Variants in PSD3 observed in about 807,000 individuals in gnomAD.
PSD3 encodes the protein pleckstrin and Sec7 domain containing 3.
A neutral mutation model predicts 105.5 loss-of-function variants in PSD3; 49 were observed. The ratio of observed to expected loss-of-function variants is 0.46; its 90% CI spans 0.37 to 0.59. The LOEUF (loss-of-function observed/expected upper bound fraction) is 0.59. Ranked by LOEUF, PSD3 falls within the 20% of genes least tolerant of loss-of-function variation. The pLI is 0.00. For synonymous variants in PSD3, 557 were observed against 457.8 expected, an observed-to-expected ratio of 1.22 and a Z score of -2.77; for missense variants, 1,561 against 1,263.8, an observed-to-expected ratio of 1.24 and a Z score of -3.57.
chr8:18,900,309 A>G (rs146967854), intron 2 of PSD3, among the ~76,000 whole-genome samples: 7,641 of 152,278 alleles, frequency 0.05, 221 homozygotes, highest in South Asian at 0.081. Context: ...CTGCATCCAC[A>G]TAACAGCTAC....
intron 1 of PSD3, among the ~76,000 whole-genome samples, chr8:19,043,258 T>C (rs1232217111): frequency 6.6e-6 from 1 of 152,216 alleles, no homozygotes; most frequent in East Asian, 1.9e-4. Flanking sequence ...AATGACTCCA[T>C]ATAAACAGAT....
At chr8:18,890,499 G>A (rs1313209749) in intron 2 of PSD3, among the ~76,000 whole-genome samples, 2 of 152,104 alleles carry the variant, frequency 1.3e-5, no homozygotes, top group Middle Eastern at 3.2e-3. Context: ...TGATAGTCAC[G>A]CCAGAGCTCT....
chr8:18,615,939 G>A (rs1176381612), intron 11 of PSD3, among the ~76,000 whole-genome samples: 1 of 152,208 alleles, frequency 6.6e-6, no homozygotes, highest in Admixed American at 6.5e-5. Context: ...AATGCCTCCG[G>A]GCAAAAACAG....
intron 9 of PSD3, among the ~76,000 whole-genome samples, chr8:18,756,942 G>A (rs375989385): frequency 6.3e-4 from 92 of 145,740 alleles, no homozygotes; most frequent in South Asian, 2.0e-3. Context: ...CATTCCACAC[G>A]GGCACACTGC....
Position 18,621,278 on chromosome 8 carries a change from C to A in PSD3, c.2410+11335G>T, listed in dbSNP as rs141157610. Among the ~76,000 whole-genome samples the A allele has an allele frequency of 4.2e-3, 641 of 152,218 alleles. 4 individuals are homozygous for A. Among genetic ancestry groups the A allele is most frequent in the African/African-American group, 0.015 (612 of 41,536 alleles). Reference sequence around the variant, plus strand: ...CAAAAATTAGCCCGGCATGGTGGCACACACCTGTAGTCCCTGTTACTCAGG... The same window carrying A: ...CAAAAATTAGCCCGGCATGGTGGCAAACACCTGTAGTCCCTGTTACTCAGG... On this transcript the variant is annotated intron_variant, in intron 11 of 15. Coordinates refer to ENST00000327040, the MANE Select transcript of PSD3 (RefSeq NM_015310.4).
chr8:18,700,444 C>A (rs1259360991), intron 9 of PSD3, among the ~76,000 whole-genome samples: 1 of 152,198 alleles, frequency 6.6e-6, no homozygotes, highest in Non-Finnish European at 1.5e-5. Flanking sequence ...TAACATACTG[C>A]TGAAATAGTG....
chr8:18,572,567 G>T lies in PSD3; in HGVS notation c.2745C>A (p.Ser915Arg). ...TTGTAGTGGCAGGCAGAAGTGGGCGGCTAAACTTCTTCTGAGAGCCGATTG... is the reference window on the plus strand; with the variant it reads ...TTGTAGTGGCAGGCAGAAGTGGGCGTCTAAACTTCTTCTGAGAGCCGATTG... Reference protein sequence around the residue: ...PAAIGSQKKFSRPLLPATTTK... With the variant: ...PAAIGSQKKFRRPLLPATTTK... Residue 915 changes from serine to arginine, a missense_variant, in exon 14 of 16, where the codon AGC becomes AGA. Transcript: ENST00000327040. 6.2e-7 allele frequency: 1 copy of T among 1,613,980 alleles called. No homozygotes were observed.
chr8:18,846,409 G>A (rs2129451761), intron 4 of PSD3, among the ~76,000 whole-genome samples: 1 of 152,276 alleles, frequency 6.6e-6, no homozygotes, highest in East Asian at 1.9e-4. Context: ...GTAGGGGGCG[G>A]AAACTAACGA....
intron 15 of PSD3, among the ~76,000 whole-genome samples, chr8:18,536,796 C>A (rs572094265): frequency 2.0e-5 from 3 of 151,498 alleles, no homozygotes; most frequent in African/African-American, 7.3e-5. Context: ...ATATATAGAA[C>A]TATCATATAT....
intron 11 of PSD3, 108 bp downstream of exon 11, chr8:18,632,505 A>T (rs914501992): frequency 5.3e-5 from 65 of 1,221,806 alleles, no homozygotes; most frequent in Admixed American, 4.0e-4. Context: ...GAATGTGTCT[A>T]TAGATAAACA....
intron 11 of PSD3, among the ~76,000 whole-genome samples, chr8:18,622,715 C>T (rs1369535154): frequency 6.6e-6 from 1 of 152,118 alleles, no homozygotes; most frequent in Non-Finnish European, 1.5e-5. Context: ...ATAGTTGCCA[C>T]TTTCTTATGT....
At chr8:18,961,963 G>A (rs11780765) in intron 1 of PSD3, among the ~76,000 whole-genome samples, 28,833 of 151,922 alleles carry the variant, frequency 0.19, 3,029 homozygotes, top group Non-Finnish European at 0.24. Context: ...CTTTCACTTT[G>A]CAAAAATTTT....
chr8:18,942,819 T>C (rs1217950912), intron 1 of PSD3, among the ~76,000 whole-genome samples: 1 of 152,188 alleles, frequency 6.6e-6, no homozygotes, highest in Non-Finnish European at 1.5e-5. Context: ...TGGTACTTTA[T>C]TACAGCAGCC....
chr8:19,061,918 CTATA>C (rs765806450), intron 1 of PSD3, among the ~76,000 whole-genome samples: 1 of 152,062 alleles, frequency 6.6e-6, no homozygotes, highest in Non-Finnish European at 1.5e-5. Flanking sequence ...AGGTCATGTC[CTATA>C]TTCTACATAA....
intron 14 of PSD3, among the ~76,000 whole-genome samples, chr8:18,560,736 A>G (rs1353611958): frequency 1.3e-5 from 2 of 152,170 alleles, no homozygotes; most frequent in African/African-American, 4.8e-5. Context: ...TATATAAGGA[A>G]CTCAAAACAA....
chr8:18,618,518 T>G (rs1226000963), intron 11 of PSD3, among the ~76,000 whole-genome samples: 26 of 140,750 alleles, frequency 1.8e-4, no homozygotes, highest in South Asian at 4.7e-4. Context: ...GTATCTATCA[T>G]ATTTTACTTA....
At position 18,535,492 on chromosome 8, in the gene PSD3, T is replaced by A. The variant is rs553619687; in HGVS notation, c.*251A>T. Reference sequence around the variant, plus strand: ...AAGAGAAGGGATACATAATTCATTCTGAAATCACGATCCCCTCCTCCTCAC... The same window carrying A: ...AAGAGAAGGGATACATAATTCATTCAGAAATCACGATCCCCTCCTCCTCAC... On this transcript the variant is annotated 3_prime_UTR_variant, in exon 16 of 16. Coordinates refer to ENST00000327040, the MANE Select transcript of PSD3 (RefSeq NM_015310.4). 2 of 498,032 alleles carry A rather than the reference T, an allele frequency of 4.0e-6. No homozygotes were observed. Among genetic ancestry groups the A allele is most frequent in the East Asian group, 3.4e-5 (1 of 29,792 alleles). 30.9% of individuals were successfully genotyped at this position (498,032 alleles called of 1,614,324 possible).
chr8:18,919,256 A>C (rs1820832039), intron 2 of PSD3, among the ~76,000 whole-genome samples: 1 of 152,158 alleles, frequency 6.6e-6, no homozygotes, highest in Admixed American at 6.5e-5. Context: ...GAGAAACGCC[A>C]GCCAGGAAGG....
At chr8:18,581,429 T>C (rs1352612412) in intron 12 of PSD3, among the ~76,000 whole-genome samples, 2 of 152,138 alleles carry the variant, frequency 1.3e-5, no homozygotes, top group African/African-American at 4.8e-5. Context: ...TGCTCTTACT[T>C]AGCTATAAAA....
Sources: gnomAD v4.1 joint callset for allele counts (sites outside exome capture counted in the v4.1 genomes callset) on GRCh38, gnomAD v4.1.1 for gene constraint, MANE v1.5 for transcripts, NCBI Gene and HGNC (gene_info 2026-07-23, HGNC 2026-07-21) for gene names.